The following DPP6 variants were observed in gnomAD, a reference collection of about 807,000 sequenced individuals.
DPP6 encodes the protein dipeptidyl peptidase like 6, also known as A-type potassium channel modulatory protein DPP6.
DPP6 carries 69 observed loss-of-function variants against 122.6 expected under a neutral mutation model. The observed-to-expected ratio is 0.56, with a 90% confidence interval of 0.46 to 0.69. DPP6 has a LOEUF of 0.69. Among genes scored for constraint, DPP6 ranks in the 30% least tolerant of loss-of-function variants. The pLI is 0.00. For missense variants in DPP6, 928 were observed against 1,116.9 expected (o/e 0.83, Z 2.41); for synonymous variants, 418 against 433.1 (o/e 0.97, Z 0.43).
chr7:154,640,031 C>T (rs1038820340), intron 6 of DPP6, among the ~76,000 whole-genome samples: 11 of 152,152 alleles, frequency 7.2e-5, no homozygotes, highest in Non-Finnish European at 1.0e-4. Context: ...GTGGGCAGAT[C>T]ACTTGAGGTC....
chr7:154,785,578 G>A (rs990143860), intron 10 of DPP6, among the ~76,000 whole-genome samples: 4 of 152,106 alleles, frequency 2.6e-5, no homozygotes, highest in South Asian at 2.1e-4. Context: ...TGTAAACTGA[G>A]ATTAGTCCCC....
chr7:154,299,794 G>A (rs1805784108), intron 1 of DPP6, among the ~76,000 whole-genome samples: 1 of 152,032 alleles, frequency 6.6e-6, no homozygotes, highest in Non-Finnish European at 1.5e-5. Flanking sequence ...AACACTTGCT[G>A]ATTAAATGAT....
At chr7:154,684,163 C>G (rs1299927611) in intron 7 of DPP6, among the ~76,000 whole-genome samples, 1 of 152,128 alleles carries the variant, frequency 6.6e-6, no homozygotes, top group African/African-American at 2.4e-5. Context: ...GCCACTGTGC[C>G]CAGCCCAGGA....
chr7:153,939,526 A>C (rs1163080734), intron 1 of DPP6, among the ~76,000 whole-genome samples: 3 of 152,132 alleles, frequency 2.0e-5, no homozygotes, highest in African/African-American at 7.2e-5. Context: ...AGTGTGGGGC[A>C]CTGTGAGGAG....
intron 3 of DPP6, among the ~76,000 whole-genome samples, chr7:154,521,584 G>A (rs956409325): frequency 1.8e-4 from 28 of 152,202 alleles, no homozygotes; most frequent in African/African-American, 6.5e-4. Flanking sequence ...AAATTGGGCA[G>A]TCTCAGATCT....
chr7:154,548,512 C>T (rs1242333491), intron 4 of DPP6, among the ~76,000 whole-genome samples: 2 of 142,544 alleles, frequency 1.4e-5, no homozygotes, highest in Non-Finnish European at 3.0e-5. Context: ...TGGGTGACAG[C>T]GAGACTCCAT....
chr7:154,884,117 CAT>C (rs1345760627), intron 21 of DPP6: 5 of 150,562 alleles, frequency 3.3e-5, no homozygotes, highest in African/African-American at 1.2e-4. Flanking sequence ...TGCTCACACA[CAT>C]GCTCACCCAT....
rs1365677513 is a variant in DPP6, at chr7:154,057,292, G to GC, written c.243+4233dup. 4 of 150,282 alleles carry GC rather than the reference G, an allele frequency of 2.7e-5. 2 individuals are homozygous for GC. The highest frequency in any genetic ancestry group is 1.0e-4 in the African/African-American group (4 of 39,284). The allele number at this position is 150,282 out of a possible 1,614,324, so 9.3% of individuals were successfully genotyped here. On this transcript the variant is annotated intron_variant, in intron 1 of 25. Transcript: ENST00000377770. ...CCCATTTCGTGGTGGTTGAGAGCCA[G>GC]CCCCTCTTCCCCCTCTGGCTCTTGT...
intron 3 of DPP6, among the ~76,000 whole-genome samples, chr7:154,511,264 T>G (rs2129801988): frequency 6.6e-6 from 1 of 152,232 alleles, no homozygotes; most frequent in East Asian, 1.9e-4. Flanking sequence ...ATTATCTCTT[T>G]TAATTGCTCA....
chr7:154,677,424 G>A (rs1838982411), intron 7 of DPP6, among the ~76,000 whole-genome samples: 1 of 152,086 alleles, frequency 6.6e-6, no homozygotes, highest in Admixed American at 6.5e-5. Context: ...TTACCTTATG[G>A]CATTGGGGTT....
At chr7:154,300,347 TCA>T (rs1805825346) in intron 1 of DPP6, among the ~76,000 whole-genome samples, 1 of 152,138 alleles carries the variant, frequency 6.6e-6, no homozygotes, top group Admixed American at 6.5e-5. Flanking sequence ...GTGCTTTCAC[TCA>T]CAGACACCAG....
chr7:153,852,650 C>T, the DPP6 span, among the ~76,000 whole-genome samples: 1 of 152,094 alleles, frequency 6.6e-6, no homozygotes, highest in Non-Finnish European at 1.5e-5. Flanking sequence ...ACACGAAGGA[C>T]ATACAGTACA....
At chr7:154,720,175 T>C (rs189782808) in intron 7 of DPP6, among the ~76,000 whole-genome samples, 1 of 152,024 alleles carries the variant, frequency 6.6e-6, no homozygotes, top group Admixed American at 6.5e-5. Flanking sequence ...AAACAGAGCA[T>C]TTGGGTGAGG....
intron 1 of DPP6, among the ~76,000 whole-genome samples, chr7:154,236,437 T>C (rs1585702477): frequency 6.6e-6 from 1 of 152,220 alleles, no homozygotes; most frequent in East Asian, 1.9e-4. Flanking sequence ...ATTTCCCCTA[T>C]AATTTTACGC....
rs184320569 is a variant in DPP6, at chr7:154,489,674, C to G, written c.457+14637C>G. On this transcript the variant is annotated intron_variant, in intron 3 of 25. Transcript: ENST00000377770. ...GGATCTTCTGTTCTCTCTCAAGACC[C>G]CTTATTCATTCCCCCTCTTCTCTGA... Among the ~76,000 whole-genome samples, 13 of 152,172 alleles carry G rather than the reference C, an allele frequency of 8.5e-5. No individual in the cohort carries two copies. In the East Asian group the frequency reaches 1.7e-3, roughly 20 times the overall value.
intron 1 of DPP6, among the ~76,000 whole-genome samples, chr7:154,035,203 C>G (rs1339018071): frequency 6.6e-6 from 1 of 152,224 alleles, no homozygotes; most frequent in Non-Finnish European, 1.5e-5. Context: ...GTTCAGTGGA[C>G]AAGGTATCCT....
At chr7:153,833,692 G>T in the DPP6 span, among the ~76,000 whole-genome samples, 1 of 151,766 alleles carries the variant, frequency 6.6e-6, no homozygotes, top group Non-Finnish European at 1.5e-5. Flanking sequence ...AAAAGGTGGG[G>T]GTGTGTGGGG....
chr7:154,216,519 A>T (rs1382420957), intron 1 of DPP6, among the ~76,000 whole-genome samples: 1 of 152,180 alleles, frequency 6.6e-6, no homozygotes, highest in Admixed American at 6.5e-5. Flanking sequence ...TTGAGGAGGG[A>T]TAAAGGAGAA....
At chr7:154,093,938 C>A (rs1358885977) in intron 1 of DPP6, 1 of 152,104 alleles carries the variant, frequency 6.6e-6, no homozygotes, top group Non-Finnish European at 1.5e-5. Context: ...AAGTTCCTTT[C>A]ATGTTTGGGC....
Sources: allele counts gnomAD v4.1 joint callset (sites outside exome capture counted in the v4.1 genomes callset), GRCh38; gene constraint gnomAD v4.1.1; transcripts MANE v1.5; gene names NCBI Gene and HGNC (gene_info 2026-07-23, HGNC 2026-07-21).